The following LRPAP1 variants were observed in gnomAD, a reference collection of about 807,000 sequenced individuals.
LRPAP1 encodes LDL receptor related protein associated protein 1, also known as alpha-2-macroglobulin receptor-associated protein.
Under a neutral mutation model 39.9 loss-of-function variants are expected in LRPAP1, and 41 were observed. The observed-to-expected ratio is 1.03, with a 90% CI of 0.80 to 1.33. The LOEUF is 1.33. LRPAP1 is among the 40% of genes most tolerant of loss of function. The probability of loss-of-function intolerance (pLI) is 0.00; values close to 1 mark genes in which losing one functional copy is unlikely to be tolerated. For synonymous variants in LRPAP1, 263 were observed against 212.7 expected (o/e 1.24, Z -2.06); for missense variants, 565 against 482.3 (o/e 1.17, Z -1.61).
chr4:3,520,242 G>A (rs373793728), intron 2 of LRPAP1, 49 bp from the exon 3 acceptor site: 16 of 1,589,516 alleles, frequency 1.0e-5, no homozygotes, highest in Non-Finnish European at 1.4e-5. Flanking sequence ...GTGAAAAACA[G>A]TCAAAAGCCA....
chr4:3,518,765 G>A (rs1729810764), intron 4 of LRPAP1, 106 bp downstream of exon 4: 1 of 740,684 alleles, frequency 1.4e-6, no homozygotes, highest in Non-Finnish European at 2.1e-6. Flanking sequence ...GTGTTCCTGA[G>A]GGGAGCTGAG....
rs1453687028 is a variant in LRPAP1 at position 3,506,291 on chromosome 4, C to A, written c.*6683G>T. 2 of 151,472 alleles carry A rather than the reference C, an allele frequency of 1.3e-5. No individual in the cohort carries two copies. The highest frequency in any genetic ancestry group is 2.9e-5 in the Non-Finnish European group (2 of 67,976). The allele number at this position is 151,472 out of a possible 1,614,324, so 9.4% of individuals were successfully genotyped here. On this transcript the variant is annotated 3_prime_UTR_variant, in exon 8 of 8. Coordinates refer to ENST00000650182, the MANE Select transcript of LRPAP1 (RefSeq NM_002337.4). ...ATGTTGGCCAGGCTGGTCTCAAACT[C>A]CTGGCCTCAAGTGATCTGCCCGCCT... is the stretch of plus-strand genomic sequence containing the variant.
chr4:3,520,283 A>G lies in LRPAP1; in HGVS notation c.350-90T>C, dbSNP rs528739808. ...TCTGGGTTGCCACGGTGGGTGAGAC[A>G]GGTTTGCCTCTCATTTTCCAGTAGT... is the stretch of plus-strand genomic sequence containing the variant. On this transcript the variant is annotated intron_variant, in intron 2 of 7. Transcript: ENST00000650182. 7.6e-5 allele frequency: 106 copies of G among 1,394,200 alleles called. 2 individuals are homozygous for G. In the African/African-American group the frequency reaches 1.3e-3, roughly 17 times the overall value. 86.4% of individuals were successfully genotyped at this position (1,394,200 alleles called of 1,614,324 possible).
intron 2 of LRPAP1, among the ~76,000 whole-genome samples, chr4:3,521,528 C>T (rs998440555): frequency 2.0e-5 from 3 of 152,236 alleles, no homozygotes; most frequent in South Asian, 2.1e-4. Context: ...CGAGGGACAC[C>T]CTGAAAGCCT....
chr4:3,514,764 C>A lies in LRPAP1; in HGVS notation c.999G>T (p.Glu333Asp), dbSNP rs1287099502. The A allele has an allele frequency of 6.2e-7, 1 of 1,609,166 alleles. No individual in the cohort carries two copies. The highest frequency in any genetic ancestry group is 1.7e-5 in the Admixed American group (1 of 59,924). The change falls in exon 7 of 8, where the codon GAG (glutamate) becomes GAT (aspartate). Residue 333 changes from glutamate to aspartate, a missense_variant. Coordinates refer to ENST00000650182, the MANE Select transcript of LRPAP1 (RefSeq NM_002337.4). ...AACCCGTGCGCACCGTGTAGCCCAGCTCCTTGGTCCGCCCCTCCAGCAGGG... is the reference window on the plus strand; with the variant it reads ...AACCCGTGCGCACCGTGTAGCCCAGATCCTTGGTCCGCCCCTCCAGCAGGG... ...KHALLEGRTKELGYTVKKHLQ... is the reference protein window; with the variant it reads ...KHALLEGRTKDLGYTVKKHLQ...
At chr4:3,524,571 G>T (rs985503626) in intron 2 of LRPAP1, among the ~76,000 whole-genome samples, 14 of 152,196 alleles carry the variant, frequency 9.2e-5, no homozygotes, top group African/African-American at 3.4e-4. Context: ...ATAGCCCCCC[G>T]CAGGCTGTGC....
At chr4:3,521,369 C>T (rs928029781) in intron 2 of LRPAP1, among the ~76,000 whole-genome samples, 10 of 152,212 alleles carry the variant, frequency 6.6e-5, no homozygotes, top group East Asian at 1.9e-4. Flanking sequence ...CGGACCCCAG[C>T]GCCTCCTCTG....
chr4:3,520,883 G>A (rs977599678), intron 2 of LRPAP1, among the ~76,000 whole-genome samples: 3 of 152,230 alleles, frequency 2.0e-5, no homozygotes, highest in African/African-American at 7.2e-5. Context: ...TCCCTAGGGG[G>A]GACTCGGCAT....
In LRPAP1 at chr4:3,506,120, T is replaced by TG. The variant is rs1456232387; in HGVS notation, c.*6853dup. 6.6e-6 allele frequency among the ~76,000 whole-genome samples: 1 copy of TG among 152,122 alleles called. No individual in the cohort carries two copies. Among genetic ancestry groups the TG allele is most frequent in the Non-Finnish European group, 1.5e-5 (1 of 68,002 alleles). ...CTCTGTTATCCATGCTGGAGAGCAA[T>TG]GGCACGATTTTGGCTCACTGCAAAC... On this transcript the variant is annotated 3_prime_UTR_variant, in exon 8 of 8. Transcript: ENST00000650182.
rs1026658532 is a variant in LRPAP1, at chr4:3,518,057, T to C, written c.728A>G (p.His243Arg). ...ACCAGCCTCAGTGCTGTAGCCCTGG[T>C]GGCTGACCCTGCGCAGGCGGTCCAG... Reference protein sequence around the residue: ...QGLDRLRRVSHQGYSTEAEFE... With the variant: ...QGLDRLRRVSRQGYSTEAEFE... The change falls in exon 5 of 8, where the codon CAC (histidine) becomes CGC (arginine). Residue 243 changes from histidine (H) to arginine (R), a missense_variant. Transcript: ENST00000650182. The C allele has an allele frequency of 1.2e-6, 2 of 1,611,016 alleles. No homozygotes were observed. The highest frequency in any genetic ancestry group is 2.7e-5 in the African/African-American group (2 of 74,928).
Position 3,504,938 on chromosome 4 carries a change from C to T in LRPAP1, c.*8036G>A, listed in dbSNP as rs1729308083. 7.9e-6 allele frequency among the ~76,000 whole-genome samples: 1 copy of T among 127,018 alleles called. No homozygotes were observed. The highest frequency in any genetic ancestry group is 2.8e-5 in the African/African-American group (1 of 35,394). 83.3% of individuals were successfully genotyped at this position (127,018 alleles called of 152,430 possible). On this transcript the variant is annotated 3_prime_UTR_variant, in exon 8 of 8. Transcript: ENST00000650182. ...CTCCAGCCTGGGCGACAGAGCAAGA[C>T]TCCGTCTCAAGAAAAAAATAAATAA... is the stretch of plus-strand genomic sequence containing the variant.
intron 1 of LRPAP1, among the ~76,000 whole-genome samples, chr4:3,531,429 T>A (rs192345243): frequency 9.6e-4 from 146 of 152,316 alleles, no homozygotes; most frequent in African/African-American, 3.3e-3. Context: ...GATGAGATAA[T>A]GAGGCCCAGA....
At position 3,518,195 on chromosome 4, in the gene LRPAP1, G is replaced by C. The variant is rs113451394; in HGVS notation, c.593-3C>G. The C allele has an allele frequency of 6.2e-7, 1 of 1,608,350 alleles. No homozygotes were observed. Among genetic ancestry groups the C allele is most frequent in the African/African-American group, 1.3e-5 (1 of 74,972 alleles). ...GCTAATGACGTTCTCGTGGATTTCT[G>C]TAAAACCGAAGGCAGGACGCCATGA... On this transcript the variant is annotated splice_region_variant and splice_polypyrimidine_tract_variant and intron_variant, in intron 4 of 7. Coordinates refer to ENST00000650182, the MANE Select transcript of LRPAP1 (RefSeq NM_002337.4).
In LRPAP1 at chr4:3,516,001, G is replaced by C. The variant is rs146389660; in HGVS notation, c.834+115C>G. 5.7e-5 allele frequency: 60 copies of C among 1,045,946 alleles called. 1 individual carries two copies. The African/African-American group carries it at 8.7e-4, about 15-fold the overall frequency. The allele number at this position is 1,045,946 out of a possible 1,614,324, so 64.8% of individuals were successfully genotyped here. A position where few individuals can be genotyped will look rare whatever the true frequency, so the allele number is the denominator to read the frequency against. ...TCACCGAGTGGTTAAGGAAGAAACT[G>C]CGAGAATCTTGAGAGAGAGAGCTTG... On this transcript the variant is annotated intron_variant, in intron 6 of 7. Coordinates refer to ENST00000650182, the MANE Select transcript of LRPAP1 (RefSeq NM_002337.4).
At position 3,507,782 on chromosome 4, in the gene LRPAP1, G is replaced by A. The variant is rs1362246615; in HGVS notation, c.*5192C>T. ...AAAAAAAAAATCAATGGACCCAAAA[G>A]TAGGTTTCTTTGGGGAAAATATCTG... On this transcript the variant is annotated 3_prime_UTR_variant, in exon 8 of 8. Transcript: ENST00000650182. 1 of 152,016 alleles carries A rather than the reference G, an allele frequency of 6.6e-6. No homozygotes were observed. The highest frequency in any genetic ancestry group is 1.5e-5 in the Non-Finnish European group (1 of 68,014). 9.4% of individuals were successfully genotyped at this position (152,016 alleles called of 1,614,324 possible).
intron 3 of LRPAP1, 108 bp downstream of exon 3, chr4:3,519,964 C>T (rs924340352): frequency 1.4e-6 from 2 of 1,390,922 alleles, no homozygotes; most frequent in African/African-American, 2.9e-5. Context: ...TGAGACTTTC[C>T]CAAACCCCGG....
At chr4:3,517,030 G>A (rs1347005034) in intron 5 of LRPAP1, among the ~76,000 whole-genome samples, 2 of 152,346 alleles carry the variant, frequency 1.3e-5, no homozygotes, top group South Asian at 2.1e-4. Context: ...AGGCTCATCC[G>A]GGTCTCTCCA....
chr4:3,530,442 C>G (rs920952118), intron 1 of LRPAP1, among the ~76,000 whole-genome samples: 1 of 152,218 alleles, frequency 6.6e-6, no homozygotes, highest in South Asian at 2.1e-4. Flanking sequence ...CCCTCACCCC[C>G]GAAGAACTTC....
rs1363958052 is a variant in LRPAP1 at position 3,524,954 on chromosome 4, A to G, written c.302T>C (p.Leu101Ser). 2 of 1,614,178 alleles carry G rather than the reference A, an allele frequency of 1.2e-6. No individual in the cohort carries two copies. The highest frequency in any genetic ancestry group is 1.7e-6 in the Non-Finnish European group (2 of 1,180,024). ...LAWKKLKLDGLDEDGEKEARL... is the reference protein window; with the variant it reads ...LAWKKLKLDGSDEDGEKEARL... ...CGCTTCCTTCTCCCCATCTTCGTCC[A>G]AGCCGTCAAGCTTTAGTTTCTTCCA... is the stretch of plus-strand genomic sequence containing the variant. Residue 101 changes from leucine to serine, a missense_variant, in exon 2 of 8, where the codon TTG becomes TCG. Leu to Ser is a moderately radical substitution (Grantham distance 145, BLOSUM62 -2). Coordinates refer to ENST00000650182, the MANE Select transcript of LRPAP1 (RefSeq NM_002337.4).
Sources: allele counts gnomAD v4.1 joint callset (sites outside exome capture counted in the v4.1 genomes callset), GRCh38; gene constraint gnomAD v4.1.1; transcripts MANE v1.5; gene names NCBI Gene and HGNC (gene_info 2026-07-23, HGNC 2026-07-21).